The following COL8A1 variants were observed in gnomAD, a reference collection of about 807,000 sequenced individuals.
The protein encoded by COL8A1 is collagen type VIII alpha 1 chain.
A neutral mutation model predicts 42.7 loss-of-function variants in COL8A1; 21 were observed. The ratio of observed to expected loss-of-function variants is 0.49; its 90% CI spans 0.35 to 0.71. The LOEUF is 0.71. Among genes scored for constraint, COL8A1 ranks in the 30% least tolerant of loss-of-function variants. The pLI is 0.01. For missense variants in COL8A1, 788 were observed against 962.4 expected (o/e 0.82, Z 2.40); for synonymous variants, 367 against 369.1 (o/e 0.99, Z 0.06).
At chr3:99,773,229 C>A (rs906477651) in intron 2 of COL8A1, among the ~76,000 whole-genome samples, 1 of 152,122 alleles carries the variant, frequency 6.6e-6, no homozygotes, top group Non-Finnish European at 1.5e-5. Context: ...ACAGTCTAAG[C>A]CCTCACAAAA....
chr3:99,657,139 A>G (rs1487395280), intron 1 of COL8A1, among the ~76,000 whole-genome samples: 1 of 152,200 alleles, frequency 6.6e-6, no homozygotes, highest in African/African-American at 2.4e-5. Context: ...GGAGGAAAAG[A>G]TCTATATGCT....
At chr3:99,787,860 A>ACACACC (rs1254484416) in intron 2 of COL8A1, among the ~76,000 whole-genome samples, 1 of 150,780 alleles carries the variant, frequency 6.6e-6, no homozygotes, top group South Asian at 2.1e-4. Context: ...ACACAAATAC[A>ACACACC]CACACACACA....
rs372342941 is a variant in COL8A1 at position 99,766,803 on chromosome 3, G to C, written c.-4+21782G>C. ...CATCTCTACTAAAAATACAAAATTA[G>C]CCAAGTGTGGTGGCAGGCACCTGCA... On this transcript the variant is annotated intron_variant, in intron 2 of 3. Coordinates refer to ENST00000652472, the MANE Select transcript of COL8A1 (RefSeq NM_020351.4). Among the ~76,000 whole-genome samples the C allele has an allele frequency of 3.3e-5, 5 of 152,248 alleles. No homozygotes were observed. The East Asian group carries it at 7.7e-4, about 24-fold the overall frequency.
chr3:99,709,555 A>C (rs1440456558), intron 1 of COL8A1, among the ~76,000 whole-genome samples: 1 of 152,198 alleles, frequency 6.6e-6, no homozygotes, highest in African/African-American at 2.4e-5. Context: ...TTTTAAAAGA[A>C]ATCCTGTGTT....
At chr3:99,667,129 C>A (rs2107308335) in intron 1 of COL8A1, among the ~76,000 whole-genome samples, 1 of 152,180 alleles carries the variant, frequency 6.6e-6, no homozygotes, top group Admixed American at 6.5e-5. Context: ...AACCTAAATC[C>A]AAACCCTCAT....
At chr3:99,750,192 A>C (rs792838) in intron 2 of COL8A1, among the ~76,000 whole-genome samples, 2 of 151,134 alleles carry the variant, frequency 1.3e-5, no homozygotes, top group African/African-American at 4.9e-5. Context: ...GAGTAGCTGG[A>C]ACTACAGGTG....
intron 1 of COL8A1, among the ~76,000 whole-genome samples, chr3:99,707,409 T>C (rs908824186): frequency 6.6e-6 from 1 of 152,174 alleles, no homozygotes; most frequent in Non-Finnish European, 1.5e-5. Flanking sequence ...AGCTGTCTGC[T>C]TCATGTTAGT....
In COL8A1 at chr3:99,704,402, CT is replaced by C. The variant is rs139068706; in HGVS notation, c.-128-40486del. ...CTTGTCAGAAGGACAAGGCTTATATCTTTTTTTTTCTGTTTTTTTTTTATTA... is the reference window on the plus strand; with the variant it reads ...CTTGTCAGAAGGACAAGGCTTATATCTTTTTTTTCTGTTTTTTTTTTATTA... On this transcript the variant is annotated intron_variant, in intron 1 of 3. Coordinates refer to ENST00000652472, the MANE Select transcript of COL8A1 (RefSeq NM_020351.4). 8.4e-3 allele frequency among the ~76,000 whole-genome samples: 1,261 copies of C among 150,742 alleles called. 17 individuals are homozygous for C. The highest frequency in any genetic ancestry group is 0.028 in the African/African-American group (1,167 of 41,114).
intron 2 of COL8A1, among the ~76,000 whole-genome samples, chr3:99,770,964 G>A (rs1941568593): frequency 6.6e-6 from 1 of 152,294 alleles, no homozygotes; most frequent in East Asian, 1.9e-4. Flanking sequence ...TTGTCTGAGG[G>A]GACAGCATTT....
At position 99,790,891 on chromosome 3, in the gene COL8A1, T is replaced by A. The variant is rs1181201200; in HGVS notation, c.209T>A (p.Met70Lys). 1.9e-6 allele frequency: 3 copies of A among 1,614,014 alleles called. No individual in the cohort carries two copies. Among genetic ancestry groups the A allele is most frequent in the Admixed American group, 1.7e-5 (1 of 60,008 alleles). Residue 70 changes from methionine to lysine, a missense_variant, in exon 3 of 4, where the codon ATG becomes AAG. Met to Lys is a moderately conservative substitution (Grantham distance 95, BLOSUM62 -1). Transcript: ENST00000652472. ...CCTTTGGCCAAAGATGGCCTTGCCA[T>A]GGGCAAGGAGATGCCCCACTTGCAG... is the stretch of plus-strand genomic sequence containing the variant. ...HMPLAKDGLAMGKEMPHLQYG... is the reference protein window; with the variant it reads ...HMPLAKDGLAKGKEMPHLQYG...
chr3:99,793,249 A>G (rs937452279), intron 3 of COL8A1, among the ~76,000 whole-genome samples: 1 of 151,422 alleles, frequency 6.6e-6, no homozygotes, highest in African/African-American at 2.5e-5. Context: ...AATGTATTAC[A>G]CACTTCAAAA....
chr3:99,727,963 A>C (rs1017981923), intron 1 of COL8A1, among the ~76,000 whole-genome samples: 3 of 150,708 alleles, frequency 2.0e-5, no homozygotes, highest in Non-Finnish European at 4.4e-5. Flanking sequence ...AAAAACTCTC[A>C]ATAAATTAGG....
intron 1 of COL8A1, chr3:99,707,311 G>C (rs534199936): frequency 6.6e-6 from 1 of 152,300 alleles, no homozygotes; most frequent in South Asian, 2.1e-4. Flanking sequence ...GAGAAAAGAT[G>C]CAGTACAGCA....
intron 2 of COL8A1, among the ~76,000 whole-genome samples, chr3:99,757,134 G>A (rs1941269227): frequency 2.0e-5 from 3 of 152,112 alleles, no homozygotes; most frequent in Non-Finnish European, 2.9e-5. Flanking sequence ...GCAAATCTTT[G>A]TTGAATAAAG....
chr3:99,724,128 T>C (rs1042508992), intron 1 of COL8A1, among the ~76,000 whole-genome samples: 1 of 152,136 alleles, frequency 6.6e-6, no homozygotes, highest in African/African-American at 2.4e-5. Context: ...TAATGGTTTC[T>C]GACATGACTG....
At chr3:99,711,644 T>G (rs2107357971) in intron 1 of COL8A1, among the ~76,000 whole-genome samples, 1 of 152,222 alleles carries the variant, frequency 6.6e-6, no homozygotes, top group South Asian at 2.1e-4. Flanking sequence ...GCAAAGGATT[T>G]CAGGCCTATC....
At position 99,695,798 on chromosome 3, in the gene COL8A1, C is replaced by T. The variant is rs558724090; in HGVS notation, c.-128-49099C>T. Among the ~76,000 whole-genome samples the T allele has an allele frequency of 1.7e-4, 26 of 152,232 alleles. No homozygotes were observed. The South Asian group carries it at 5.2e-3, about 30-fold the overall frequency. ...TCCTCGTTATATCTAGAATACTTGCCCCCAAGCCTGGCACATAAGAATCAC... is the reference window on the plus strand; with the variant it reads ...TCCTCGTTATATCTAGAATACTTGCTCCCAAGCCTGGCACATAAGAATCAC... On this transcript the variant is annotated intron_variant, in intron 1 of 3. Coordinates refer to ENST00000652472, the MANE Select transcript of COL8A1 (RefSeq NM_020351.4).
chr3:99,794,841 G>A lies in COL8A1; in HGVS notation c.940G>A (p.Gly314Arg), dbSNP rs1292621126. 2.5e-6 allele frequency: 4 copies of A among 1,612,252 alleles called. No individual in the cohort carries two copies. The highest frequency in any genetic ancestry group is 1.7e-5 in the Admixed American group (1 of 59,800). The change falls in exon 4 of 4, where the codon GGA (glycine) becomes AGA (arginine). Residue 314 changes from glycine to arginine, a missense_variant. Physicochemically the swap from Gly to Arg is moderately radical, Grantham distance 125 (BLOSUM62 -2). This residue lies in a region of COL8A1 where 421 missense variants were observed against 553.1 expected (regional missense o/e 0.76). Transcript: ENST00000652472. The surrounding 1 kb of genome is among the most constrained non-coding windows in gnomAD (Gnocchi z 4.3). ...PGVQGPPGIP[G>R]IGKPGQDGIP... ...GGTTCAAGGACCTCCTGGGATACCC[G>A]GAATTGGAAAGCCAGGCCAGGATGG...
intron 1 of COL8A1, among the ~76,000 whole-genome samples, chr3:99,732,632 C>T (rs1329360854): frequency 6.6e-6 from 1 of 152,078 alleles, no homozygotes; most frequent in Non-Finnish European, 1.5e-5. Context: ...AACTATAATT[C>T]AAGATGAGAT....
Sources: allele counts gnomAD v4.1 joint callset (sites outside exome capture counted in the v4.1 genomes callset), GRCh38; gene constraint gnomAD v4.1.1; regional missense constraint gnomAD v4.1.1; non-coding constraint Gnocchi (gnomAD v3.1); transcripts MANE v1.5; gene names NCBI Gene and HGNC (gene_info 2026-07-23, HGNC 2026-07-21).